Variants in STXBP6 observed in about 807,000 individuals in gnomAD.
STXBP6 encodes the protein syntaxin-binding protein 6.
Under a neutral mutation model 26.9 loss-of-function variants are expected in STXBP6, and 21 were observed. The observed-to-expected ratio is 0.78, with a 90% CI of 0.55 to 1.12. The LOEUF is 1.12. Ranked by LOEUF, STXBP6 falls within the 50% of genes most tolerant of loss-of-function variation. STXBP6 has a pLI of 0.00. For missense variants in STXBP6, 232 were observed against 257.9 expected (o/e 0.90, Z 0.69); for synonymous variants, 97 against 92.6 (o/e 1.05, Z -0.27).
chr14:24,843,258 G>A (rs995082396), intron 4 of STXBP6, among the ~76,000 whole-genome samples: 2 of 152,150 alleles, frequency 1.3e-5, no homozygotes, highest in Non-Finnish European at 2.9e-5. Flanking sequence ...AGTGTTATTA[G>A]CATTCACAGG....
At chr14:25,031,535 T>C (rs779417899) in intron 1 of STXBP6, among the ~76,000 whole-genome samples, 2 of 152,180 alleles carry the variant, frequency 1.3e-5, no homozygotes, top group Non-Finnish European at 1.5e-5. Context: ...TACTCCTCTG[T>C]TTCAACTAAA....
chr14:24,953,184 C>A (rs1394598763), intron 2 of STXBP6, among the ~76,000 whole-genome samples: 1 of 152,192 alleles, frequency 6.6e-6, no homozygotes, highest in East Asian at 1.9e-4. Context: ...ATTCACATCG[C>A]TTTCTTCCCT....
Position 24,889,554 on chromosome 14 carries a change from T to TA in STXBP6, c.155-32398dup, listed in dbSNP as rs754696066. Among the ~76,000 whole-genome samples the TA allele has an allele frequency of 9.1e-3, 1,263 of 138,368 alleles. 6 individuals carry two copies. Among genetic ancestry groups the TA allele is most frequent in the Non-Finnish European group, 0.014 (902 of 63,912 alleles). The allele number at this position is 138,368 out of a possible 152,430, so 90.8% of individuals were successfully genotyped here. On this transcript the variant is annotated intron_variant, in intron 2 of 5. Coordinates refer to ENST00000323944, the MANE Select transcript of STXBP6 (RefSeq NM_001394410.1). ...ACATTGTGCACATGTACCCTAAACT[T>TA]AAAGTATAATAATAATAAAATAAAA...
At chr14:24,962,005 T>G (rs1200184399) in intron 2 of STXBP6, among the ~76,000 whole-genome samples, 3 of 152,168 alleles carry the variant, frequency 2.0e-5, no homozygotes, top group Non-Finnish European at 4.4e-5. Flanking sequence ...GTCTGATGGA[T>G]TCCTAACTGA....
intron 2 of STXBP6, among the ~76,000 whole-genome samples, chr14:24,904,199 C>T (rs2071309985): frequency 1.3e-5 from 2 of 152,094 alleles, no homozygotes; most frequent in African/African-American, 4.8e-5. Context: ...TCCCCGAATC[C>T]CACATCTCCA....
At chr14:24,909,572 A>G (rs12889054) in intron 2 of STXBP6, among the ~76,000 whole-genome samples, 20,350 of 151,800 alleles carry the variant, frequency 0.13, 1,409 homozygotes, top group East Asian at 0.17. Context: ...CTTGAGTCCA[A>G]GAGTTCAAGT....
chr14:25,013,470 A>T (rs1007786159), intron 1 of STXBP6, among the ~76,000 whole-genome samples: 3 of 143,648 alleles, frequency 2.1e-5, no homozygotes, highest in Non-Finnish European at 3.0e-5. Context: ...TCTCTTTCAC[A>T]CACACACACA....
chr14:24,869,788 G>C (rs1305028143), intron 2 of STXBP6, among the ~76,000 whole-genome samples: 1 of 152,124 alleles, frequency 6.6e-6, no homozygotes, highest in African/African-American at 2.4e-5. Context: ...TTCTGATAAA[G>C]CCAATCTGAA....
chr14:24,841,345 T>C (rs2068778084), intron 4 of STXBP6, among the ~76,000 whole-genome samples: 2 of 152,338 alleles, frequency 1.3e-5, no homozygotes, highest in South Asian at 4.1e-4. Context: ...AGGAAAACTG[T>C]ATTTTTAATA....
At chr14:24,944,718 A>G (rs796839027) in intron 2 of STXBP6, among the ~76,000 whole-genome samples, 1 of 152,148 alleles carries the variant, frequency 6.6e-6, no homozygotes, top group South Asian at 2.1e-4. Flanking sequence ...AACTTAACAC[A>G]TAACCACTGC....
chr14:25,036,785 G>A (rs185666897), intron 1 of STXBP6, among the ~76,000 whole-genome samples: 39 of 151,250 alleles, frequency 2.6e-4, no homozygotes, highest in African/African-American at 9.0e-4. Context: ...GAACCCAGGA[G>A]GCGGAGCTTG....
intron 2 of STXBP6, among the ~76,000 whole-genome samples, chr14:24,905,204 TTA>T (rs1469575178): frequency 1.3e-5 from 2 of 152,176 alleles, no homozygotes. Context: ...TTTGGGCTGT[TTA>T]TTCCAAAGTC....
intron 2 of STXBP6, among the ~76,000 whole-genome samples, chr14:24,921,214 T>A (rs1399242616): frequency 6.6e-6 from 1 of 152,202 alleles, no homozygotes; most frequent in East Asian, 1.9e-4. Flanking sequence ...TCATACAATG[T>A]AGTACATACA....
At chr14:24,891,120 G>A (rs1371668950) in intron 2 of STXBP6, among the ~76,000 whole-genome samples, 12 of 152,242 alleles carry the variant, frequency 7.9e-5, no homozygotes, top group African/African-American at 2.2e-4. Flanking sequence ...GGAAGGGCTC[G>A]TAATGTCTTC....
chr14:24,966,260 A>G (rs2073730295), intron 2 of STXBP6, among the ~76,000 whole-genome samples: 1 of 152,204 alleles, frequency 6.6e-6, no homozygotes, highest in African/African-American at 2.4e-5. Context: ...CTAAACCACT[A>G]GAAAAGCTGA....
chr14:24,912,949 A>C (rs1218126157), intron 2 of STXBP6, among the ~76,000 whole-genome samples: 1 of 152,230 alleles, frequency 6.6e-6, no homozygotes, highest in Non-Finnish European at 1.5e-5. Flanking sequence ...TTCAGAAGCC[A>C]GCACTAGGTT....
chr14:25,041,172 A>G (rs1024417635), intron 1 of STXBP6, among the ~76,000 whole-genome samples: 14 of 151,966 alleles, frequency 9.2e-5, no homozygotes, highest in Non-Finnish European at 1.9e-4. Context: ...AATACAAAAA[A>G]TTAGTGGGCA....
intron 1 of STXBP6, among the ~76,000 whole-genome samples, chr14:25,005,149 T>G (rs531409436): frequency 6.6e-6 from 1 of 152,290 alleles, no homozygotes; most frequent in African/African-American, 2.4e-5. Flanking sequence ...TAAAAGACAT[T>G]TATTTACCTT....
chr14:24,983,387 T>G (rs139105130), intron 1 of STXBP6, among the ~76,000 whole-genome samples: 1,535 of 152,308 alleles, frequency 0.01, 8 homozygotes, highest in Non-Finnish European at 0.014. Flanking sequence ...CCAAATCTAT[T>G]CCAACCATGT....
Sources: allele counts gnomAD v4.1 joint callset (sites outside exome capture counted in the v4.1 genomes callset), GRCh38; gene constraint gnomAD v4.1.1; transcripts MANE v1.5; gene names NCBI Gene and HGNC (gene_info 2026-07-23, HGNC 2026-07-21).